Variants in CRACR2A observed in about 807,000 individuals in gnomAD.
CRACR2A encodes the protein EF-hand calcium-binding domain-containing protein 4B.
Under a neutral mutation model 90.5 loss-of-function variants are expected in CRACR2A, and 79 were observed. The ratio of observed to expected loss-of-function variants is 0.87; its 90% CI spans 0.73 to 1.05. The LOEUF (loss-of-function observed/expected upper bound fraction) is 1.05. CRACR2A is among the 50% of genes least tolerant of loss of function. The pLI is 0.00. For synonymous variants in CRACR2A, 338 were observed against 356.7 expected, an observed-to-expected ratio of 0.95 and a Z score of 0.59; for missense variants, 823 against 897.2, an observed-to-expected ratio of 0.92 and a Z score of 1.06.
chr12:3,645,600 G>A (rs1944668973), intron 11 of CRACR2A, among the ~76,000 whole-genome samples: 1 of 152,184 alleles, frequency 6.6e-6, no homozygotes, highest in Non-Finnish European at 1.5e-5. Flanking sequence ...AGAACAGATT[G>A]CTGGGGGCAA....
chr12:3,621,672 A>AAAAAAAAAAAAAAAAAAAAAAAAAAAAG (rs1565460356), intron 17 of CRACR2A, among the ~76,000 whole-genome samples: 1 of 145,712 alleles, frequency 6.9e-6, no homozygotes, highest in Non-Finnish European at 1.5e-5. Context: ...AAAAAAAAAA[A>AAAAAAAAAAAAAAAAAAAAAAAAAAAAG]AAAAAAAAAC....
Position 3,633,678 on chromosome 12 carries a change from G to C in CRACR2A, c.1661C>G (p.Ser554Cys). The change falls in exon 15 of 20, where the codon TCC becomes TGC. Residue 554 changes from serine to cysteine, a missense_variant. Coordinates refer to ENST00000440314, the MANE Select transcript of CRACR2A (RefSeq NM_001144958.2). The surrounding 1 kb of genome is among the most constrained non-coding windows in gnomAD (Gnocchi z 4.5). Reference protein sequence around the residue: ...RLFKIVFVGNSAVGKTSFLRR... With the variant: ...RLFKIVFVGNCAVGKTSFLRR... ...CAGGAAGGATGTCTTCCCCACCGCG[G>C]AATTGCCCACGAACACAATCTTGAA... The C allele has an allele frequency of 6.4e-7, 1 of 1,551,760 alleles. No homozygotes were observed. The highest frequency in any genetic ancestry group is 8.7e-7 in the Non-Finnish European group (1 of 1,147,008).
chr12:3,749,025 C>T (rs1443137606), intron 1 of CRACR2A, among the ~76,000 whole-genome samples: 1 of 152,198 alleles, frequency 6.6e-6, no homozygotes, highest in Non-Finnish European at 1.5e-5. Flanking sequence ...GCCAAGCTGC[C>T]TGAGTTCAAA....
chr12:3,631,589 G>C (rs1230702479), intron 15 of CRACR2A, among the ~76,000 whole-genome samples: 1 of 152,240 alleles, frequency 6.6e-6, no homozygotes, highest in Non-Finnish European at 1.5e-5. Flanking sequence ...ACAAGGCCAG[G>C]CTCTTCTGAG....
Position 3,696,925 on chromosome 12 carries a change from C to T in CRACR2A, c.75G>A (p.Gly25=). ...CCAGGGGATGCAGGCAGGCTCCACTCCCCTTTGGCCCCTGGCCAGACCCCT... is the reference window on the plus strand; with the variant it reads ...CCAGGGGATGCAGGCAGGCTCCACTTCCCTTTGGCCCCTGGCCAGACCCCT... The part of the protein sequence containing the change: ...LGQGSGQGPK[G]SGACLHPLDS... Residue 25 remains glycine (G), a synonymous_variant, in exon 4 of 20, where the codon GGG becomes GGA. Coordinates refer to ENST00000440314, the MANE Select transcript of CRACR2A (RefSeq NM_001144958.2). The T allele has an allele frequency of 6.2e-7, 1 of 1,614,170 alleles. No homozygotes were observed. The highest frequency in any genetic ancestry group is 8.5e-7 in the Non-Finnish European group (1 of 1,180,000).
intron 13 of CRACR2A, among the ~76,000 whole-genome samples, chr12:3,639,636 C>T (rs1012866729): frequency 6.6e-6 from 1 of 151,880 alleles, no homozygotes; most frequent in Admixed American, 6.6e-5. Context: ...ATGTATTACT[C>T]TTAAAGATCA....
At position 3,711,186 on chromosome 12, in the gene CRACR2A, A is replaced by T. The variant is rs1485998637; in HGVS notation, c.-37+2051T>A. On this transcript the variant is annotated intron_variant, in intron 3 of 19. Coordinates refer to ENST00000440314, the MANE Select transcript of CRACR2A (RefSeq NM_001144958.2). This position sits in a 1 kb window ranked among gnomAD's most constrained non-coding sequence, Gnocchi z 4.3. ...ACCAGCTGTGAACCTGTGAAATCAA[A>T]CAAGTTAGGTGCTTCCAAAAACAAT... is the stretch of plus-strand genomic sequence containing the variant. Among the ~76,000 whole-genome samples the T allele has an allele frequency of 6.6e-6, 1 of 152,232 alleles. No individual in the cohort carries two copies. The highest frequency in any genetic ancestry group is 6.5e-5 in the Admixed American group (1 of 15,286).
At position 3,654,319 on chromosome 12, in the gene CRACR2A, C is replaced by G; in HGVS notation, c.939G>C (p.Gln313His). 1 of 1,614,090 alleles carries G rather than the reference C, an allele frequency of 6.2e-7. No homozygotes were observed. The highest frequency in any genetic ancestry group is 8.5e-7 in the Non-Finnish European group (1 of 1,179,992). The change falls in exon 10 of 20, where the codon CAG becomes CAC. Residue 313 changes from glutamine (Q) to histidine (H), a missense_variant. By Grantham distance (24) the Gln-to-His change is conservative. Transcript: ENST00000440314. Reference sequence around the variant, plus strand: ...TCCGCTCCAGCTCCCGGGCCAGCTCCTGGTTAGTGAGTTTCAGCTTGGTAT... The same window carrying G: ...TCCGCTCCAGCTCCCGGGCCAGCTCGTGGTTAGTGAGTTTCAGCTTGGTAT... ...AENTKLKLTN[Q>H]ELARELERTS...
At chr12:3,678,113 C>A (rs1266753584) in intron 6 of CRACR2A, among the ~76,000 whole-genome samples, 1 of 152,156 alleles carries the variant, frequency 6.6e-6, no homozygotes, top group Non-Finnish European at 1.5e-5. Context: ...ACAAAAAGGC[C>A]AAAGGCAAAG....
intron 17 of CRACR2A, among the ~76,000 whole-genome samples, chr12:3,620,246 C>G (rs1194086168): frequency 1.3e-5 from 2 of 152,240 alleles, no homozygotes; most frequent in East Asian, 3.8e-4. Flanking sequence ...GTAATGTGCA[C>G]ATTGAAGAAG....
At chr12:3,735,855 C>T (rs893188849) in intron 1 of CRACR2A, among the ~76,000 whole-genome samples, 2 of 152,164 alleles carry the variant, frequency 1.3e-5, no homozygotes, top group South Asian at 2.1e-4. Context: ...CAGCATGCCA[C>T]GTTTTCACAG....
At chr12:3,657,314 A>T (rs1376339643) in intron 8 of CRACR2A, among the ~76,000 whole-genome samples, 2 of 152,250 alleles carry the variant, frequency 1.3e-5, no homozygotes, top group Admixed American at 1.3e-4. Flanking sequence ...AACCATTGTA[A>T]CTGCCATATA....
chr12:3,672,228 G>A (rs534619064), intron 7 of CRACR2A, among the ~76,000 whole-genome samples: 123 of 152,278 alleles, frequency 8.1e-4, no homozygotes, highest in Non-Finnish European at 1.6e-3. Context: ...AAGACGAAAA[G>A]GAGCCGGGAC....
At chr12:3,672,673 T>A in intron 7 of CRACR2A, 6 of 804,808 alleles carry the variant, frequency 7.5e-6, no homozygotes, top group Non-Finnish European at 9.0e-6. Flanking sequence ...TAACCATGCA[T>A]TAATTCTCAT....
chr12:3,744,904 C>T (rs779223349), intron 1 of CRACR2A, among the ~76,000 whole-genome samples: 14 of 152,040 alleles, frequency 9.2e-5, no homozygotes, highest in African/African-American at 1.5e-4. Context: ...ACTGCCACTG[C>T]GCAGTATACT....
At chr12:3,693,217 T>C (rs1485023345) in intron 4 of CRACR2A, among the ~76,000 whole-genome samples, 1 of 152,204 alleles carries the variant, frequency 6.6e-6, no homozygotes, top group Non-Finnish European at 1.5e-5. Context: ...GGCTGGCACA[T>C]GGCCTTACGG....
At chr12:3,680,506 C>T (rs1294306434) in intron 4 of CRACR2A, among the ~76,000 whole-genome samples, 157 bp from the exon 5 acceptor site, 2 of 152,352 alleles carry the variant, frequency 1.3e-5, no homozygotes, top group East Asian at 3.9e-4. Context: ...TTCACCATCC[C>T]TCTCCTCCTT....
intron 15 of CRACR2A, among the ~76,000 whole-genome samples, chr12:3,632,172 G>A (rs1475390437): frequency 6.6e-6 from 1 of 152,132 alleles, no homozygotes; most frequent in African/African-American, 2.4e-5. Flanking sequence ...TCTTCCTCCT[G>A]CTCTGGCCAT....
rs1179033243 is a variant in CRACR2A at position 3,660,353 on chromosome 12, C to T, written c.672-699G>A. On this transcript the variant is annotated intron_variant, in intron 7 of 19. Coordinates refer to ENST00000440314, the MANE Select transcript of CRACR2A (RefSeq NM_001144958.2). ...GGCAGACAGTGTGAGACAGGCGAGGCTGGTTGGAGGATGGCGATGACAATG... is the reference window on the plus strand; with the variant it reads ...GGCAGACAGTGTGAGACAGGCGAGGTTGGTTGGAGGATGGCGATGACAATG... Among the ~76,000 whole-genome samples the T allele has an allele frequency of 3.9e-5, 6 of 152,200 alleles. No homozygotes were observed. In the East Asian group the frequency reaches 1.2e-3, roughly 29 times the overall value.
Sources: allele counts gnomAD v4.1 joint callset (sites outside exome capture counted in the v4.1 genomes callset), GRCh38; gene constraint gnomAD v4.1.1; non-coding constraint Gnocchi (gnomAD v3.1); transcripts MANE v1.5; gene names NCBI Gene and HGNC (gene_info 2026-07-23, HGNC 2026-07-21).